Variants in CCDC88C observed in about 807,000 individuals in gnomAD.
CCDC88C encodes the protein coiled-coil and HOOK domain protein 88C, also known as protein Daple.
Under a neutral mutation model 198.8 loss-of-function variants are expected in CCDC88C, and 131 were observed. The ratio of observed to expected loss-of-function variants is 0.66; its 90% CI spans 0.57 to 0.76. The LOEUF (loss-of-function observed/expected upper bound fraction) is 0.76. Among genes scored for constraint, CCDC88C ranks in the 30% least tolerant of loss-of-function variants. The pLI is 0.00. For synonymous variants in CCDC88C, 1,166 were observed against 1,114.7 expected, an observed-to-expected ratio of 1.05 and a Z score of -0.92; for missense variants, 2,553 against 2,631.6, an observed-to-expected ratio of 0.97 and a Z score of 0.65.
chr14:91,339,164 T>G lies in CCDC88C; in HGVS notation c.809+114A>C. ...AAGCTCAGGGCAGACCCCAGCTGACTCCGGGGCACACGTCAGAGCTGTGCC... is the reference window on the plus strand; with the variant it reads ...AAGCTCAGGGCAGACCCCAGCTGACGCCGGGGCACACGTCAGAGCTGTGCC... On this transcript the variant is annotated intron_variant, in intron 8 of 29. Coordinates refer to ENST00000389857, the MANE Select transcript of CCDC88C (RefSeq NM_001080414.4). This position sits in a 1 kb window ranked among gnomAD's most constrained non-coding sequence, Gnocchi z 5.8. The G allele has an allele frequency of 7.7e-7, 1 of 1,300,198 alleles. No individual in the cohort carries two copies. The highest frequency in any genetic ancestry group is 1.1e-6 in the Non-Finnish European group (1 of 921,698). The allele number at this position is 1,300,198 out of a possible 1,614,324, so 80.5% of individuals were successfully genotyped here. A position where few individuals can be genotyped will look rare whatever the true frequency, so the allele number is the denominator to read the frequency against.
At chr14:91,341,248 G>A (rs1893297479) in intron 6 of CCDC88C, among the ~76,000 whole-genome samples, 1 of 152,172 alleles carries the variant, frequency 6.6e-6, no homozygotes, top group Non-Finnish European at 1.5e-5. Context: ...CCCAATGCTG[G>A]GGAAACTCCT....
At position 91,289,273 on chromosome 14, in the gene CCDC88C, G is replaced by A. The variant is rs778992254; in HGVS notation, c.4273C>T (p.Arg1425Cys). Residue 1425 changes from arginine to cysteine, a missense_variant, in exon 25 of 30, where the codon CGC becomes TGC. Arg to Cys is a radical substitution (Grantham distance 180). Transcript: ENST00000389857. ...GGGCTGTCCACGGTGGATTTTAAGC[G>A]TTCCCTCGAACCCTCTTTCTTTGGT... ...IKPKKEGSRERLKSTVDSPPW... is the reference protein window; with the variant it reads ...IKPKKEGSRECLKSTVDSPPW... 24 of 1,613,936 alleles carry A rather than the reference G, an allele frequency of 1.5e-5. No homozygotes were observed. The highest frequency in any genetic ancestry group is 8.3e-5 in the Admixed American group (5 of 60,008).
intron 12 of CCDC88C, among the ~76,000 whole-genome samples, chr14:91,321,679 C>G (rs916894947): frequency 6.6e-6 from 1 of 152,188 alleles, no homozygotes; most frequent in Non-Finnish European, 1.5e-5. Flanking sequence ...TCCATACCCC[C>G]CAGAGCATAA....
intron 23 of CCDC88C, 29 bp from the exon 24 acceptor site, chr14:91,291,113 C>T (rs1434679395): frequency 1.6e-6 from 2 of 1,242,864 alleles, no homozygotes; most frequent in Non-Finnish European, 2.3e-6. Flanking sequence ...GAAAACCTAT[C>T]AATCCAGTTT....
intron 10 of CCDC88C, among the ~76,000 whole-genome samples, chr14:91,327,949 A>C (rs1439290589): frequency 6.6e-6 from 1 of 152,208 alleles, no homozygotes; most frequent in Non-Finnish European, 1.5e-5. Flanking sequence ...GTCCCACCCA[A>C]GTCAGGCTTC....
intron 3 of CCDC88C, among the ~76,000 whole-genome samples, chr14:91,385,247 G>A (rs1250627819): frequency 6.6e-6 from 1 of 152,176 alleles, no homozygotes; most frequent in Non-Finnish European, 1.5e-5. Context: ...GCCCACCGCA[G>A]CCAGGGCCCC....
chr14:91,405,120 G>A (rs1886413958), intron 3 of CCDC88C, among the ~76,000 whole-genome samples: 1 of 152,142 alleles, frequency 6.6e-6, no homozygotes, highest in Admixed American at 6.5e-5. Flanking sequence ...GCTGACCTAT[G>A]CCCTGCTCAG....
At chr14:91,279,439 C>T (rs920852473) in intron 27 of CCDC88C, 133 bp from the exon 28 acceptor site, 1 of 676,282 alleles carries the variant, frequency 1.5e-6, no homozygotes, top group South Asian at 2.0e-5. Flanking sequence ...GAAGGAGGAG[C>T]TCTGGGACTC....
intron 13 of CCDC88C, among the ~76,000 whole-genome samples, chr14:91,319,995 G>GAA (rs2139818499): frequency 8.0e-6 from 1 of 124,520 alleles, no homozygotes; most frequent in South Asian, 2.5e-4. Context: ...TTGCACTCCA[G>GAA]CCTGGGCAAC....
chr14:91,303,710 A>G lies in CCDC88C; in HGVS notation c.3626T>C (p.Leu1209Pro), dbSNP rs1272011503. The change falls in exon 20 of 30, where the codon CTC becomes CCC. Residue 1209 changes from leucine (L) to proline (P), a missense_variant. This residue lies in a region of CCDC88C where 1,293 missense variants were observed against 1,219.6 expected (regional missense o/e 1.06). Transcript: ENST00000389857. ...HRNLELEHKE[L>P]GERHGDMLKR... is the part of the protein sequence containing the mutation. ...CTTCCCCAGGCCCTACCTCTCCCCGAGCTCCTTGTGCTCCAGCTCCAGATT... is the reference window on the plus strand; with the variant it reads ...CTTCCCCAGGCCCTACCTCTCCCCGGGCTCCTTGTGCTCCAGCTCCAGATT... 6.3e-7 allele frequency: 1 copy of G among 1,588,010 alleles called. No individual in the cohort carries two copies.
rs1329627652 is a variant in CCDC88C, at chr14:91,321,187, A to C, written c.1460T>G (p.Leu487Arg). Residue 487 changes from leucine to arginine, a missense_variant, in exon 13 of 30, where the codon CTG (leucine) becomes CGG (arginine). Coordinates refer to ENST00000389857, the MANE Select transcript of CCDC88C (RefSeq NM_001080414.4). ...STIQGLRDAS[L>R]VLEESGLKCG... Reference sequence around the variant, plus strand: ...CTTGAGGCCGCTCTCCTCCAACACCAGGGACGCGTCCCGCAGCCCCTGGAT... The same window carrying C: ...CTTGAGGCCGCTCTCCTCCAACACCCGGGACGCGTCCCGCAGCCCCTGGAT... 16 of 1,612,946 alleles carry C rather than the reference A, an allele frequency of 9.9e-6. No individual in the cohort carries two copies. The East Asian group carries it at 3.1e-4, about 31-fold the overall frequency.
In CCDC88C at chr14:91,338,038, C is replaced by T. The variant is rs370160897; in HGVS notation, c.1017G>A (p.Leu339=). ...GGGCCTTGTAGAAGTCCACGTCGTG[C>T]AGCTTCTCCTTGCAGCGGGTCAGCT... is the stretch of plus-strand genomic sequence containing the variant. ...ELELTRCKEK[L]HDVDFYKARM... The change falls in exon 10 of 30, where the codon CTG becomes CTA. Residue 339 remains leucine (L), a synonymous_variant. Coordinates refer to ENST00000389857, the MANE Select transcript of CCDC88C (RefSeq NM_001080414.4). This position sits in a 1 kb window ranked among gnomAD's most constrained non-coding sequence, Gnocchi z 4.8. 54 of 1,613,234 alleles carry T rather than the reference C, an allele frequency of 3.3e-5. No individual in the cohort carries two copies. The African/African-American group carries it at 6.8e-4, about 20-fold the overall frequency.
At chr14:91,377,501 G>A (rs1304300007) in intron 3 of CCDC88C, among the ~76,000 whole-genome samples, 3 of 152,078 alleles carry the variant, frequency 2.0e-5, no homozygotes, top group Non-Finnish European at 4.4e-5. Flanking sequence ...CATGGGACTC[G>A]TCGTCAGTTC....
At chr14:91,392,978 G>C (rs1264177208) in intron 3 of CCDC88C, among the ~76,000 whole-genome samples, 3 of 152,214 alleles carry the variant, frequency 2.0e-5, no homozygotes. Flanking sequence ...AAAAAGGAAA[G>C]GTGCTGGGGA....
chr14:91,372,533 G>GGGGGGT (rs1413124834), intron 3 of CCDC88C, among the ~76,000 whole-genome samples: 3 of 110,648 alleles, frequency 2.7e-5, no homozygotes, highest in African/African-American at 1.3e-4. Context: ...TGGTGCGGGG[G>GGGGGGT]GGGGCGGGCG....
At chr14:91,336,040 A>G (rs979127024) in intron 10 of CCDC88C, among the ~76,000 whole-genome samples, 10 of 152,238 alleles carry the variant, frequency 6.6e-5, no homozygotes. Context: ...GCAGAGAGAC[A>G]CTATTTCTCT....
chr14:91,366,410 C>T lies in CCDC88C; in HGVS notation c.271-6699G>A, dbSNP rs111892864. ...CTGAGGCAGGAGAATTGCTTGAACC[C>T]GGGACGCAGAGATTGCAGTGAGCCG... On this transcript the variant is annotated intron_variant, in intron 3 of 29. Coordinates refer to ENST00000389857, the MANE Select transcript of CCDC88C (RefSeq NM_001080414.4). Among the ~76,000 whole-genome samples the T allele has an allele frequency of 3.6e-3, 543 of 152,214 alleles. 3 individuals carry two copies. Among genetic ancestry groups the T allele is most frequent in the African/African-American group, 0.012 (519 of 41,532 alleles).
chr14:91,353,215 C>T (rs1411532405), intron 4 of CCDC88C, among the ~76,000 whole-genome samples: 1 of 152,172 alleles, frequency 6.6e-6, no homozygotes, highest in Admixed American at 6.5e-5. Context: ...CATGAGACTT[C>T]CAGCAACTTG....
intron 3 of CCDC88C, among the ~76,000 whole-genome samples, chr14:91,380,259 T>C (rs1884709460): frequency 6.6e-6 from 1 of 152,232 alleles, no homozygotes; most frequent in African/African-American, 2.4e-5. Context: ...CTGGACATAC[T>C]GCAGCTTTTC....
Sources: gnomAD v4.1 joint callset for allele counts (sites outside exome capture counted in the v4.1 genomes callset) on GRCh38, gnomAD v4.1.1 for gene constraint, gnomAD v4.1.1 regional missense constraint, Gnocchi (gnomAD v3.1) non-coding constraint, MANE v1.5 for transcripts, NCBI Gene and HGNC (gene_info 2026-07-23, HGNC 2026-07-21) for gene names.